CSMD1: variants seen among roughly 807,000 people sequenced by gnomAD.
The protein encoded by CSMD1 is CUB and sushi domain-containing protein 1.
CSMD1 carries 213 observed loss-of-function variants against 417.5 expected under a neutral mutation model. That is an observed-to-expected ratio of 0.51 (90% CI 0.46 to 0.57). CSMD1 has a LOEUF of 0.57. Ranked by LOEUF, CSMD1 falls within the 20% of genes least tolerant of loss-of-function variation. The pLI is 0.00. For synonymous variants in CSMD1, 2,862 were observed against 1,736.8 expected, an observed-to-expected ratio of 1.65 and a Z score of -16.11; for missense variants, 6,923 against 4,529.7, an observed-to-expected ratio of 1.53 and a Z score of -15.17.
At position 4,843,023 on chromosome 8, in the gene CSMD1, C is replaced by T. The variant is rs147600543; in HGVS notation, c.85+151309G>A. On this transcript the variant is annotated intron_variant, in intron 1 of 69. Transcript: ENST00000635120. ...CTAACATGCTACTCCAGGACTCTAACATCAACTGAGTGAAGTCAAAATAAG... is the reference window on the plus strand; with the variant it reads ...CTAACATGCTACTCCAGGACTCTAATATCAACTGAGTGAAGTCAAAATAAG... 4.3e-3 allele frequency among the ~76,000 whole-genome samples: 659 copies of T among 152,292 alleles called. 4 individuals are homozygous for T. Among genetic ancestry groups the T allele is most frequent in the African/African-American group, 0.015 (606 of 41,554 alleles).
chr8:4,397,168 A>G (rs1370946672), intron 3 of CSMD1, among the ~76,000 whole-genome samples: 1 of 152,170 alleles, frequency 6.6e-6, no homozygotes, highest in African/African-American at 2.4e-5. Flanking sequence ...ACGTCCATGC[A>G]TGATGATCAA....
intron 1 of CSMD1, among the ~76,000 whole-genome samples, chr8:4,740,394 T>C (rs919841084): frequency 1.3e-5 from 2 of 152,160 alleles, no homozygotes; most frequent in Non-Finnish European, 1.5e-5. Context: ...AATGAGGAAA[T>C]AGCAGCCTCT....
At chr8:4,623,393 A>G (rs1219432113) in intron 2 of CSMD1, among the ~76,000 whole-genome samples, 3 of 152,188 alleles carry the variant, frequency 2.0e-5, no homozygotes, top group Admixed American at 6.5e-5. Context: ...GGGAATTTAA[A>G]ATGGGACTAC....
At chr8:4,482,128 A>G (rs2130135256) in intron 2 of CSMD1, among the ~76,000 whole-genome samples, 1 of 152,316 alleles carries the variant, frequency 6.6e-6, no homozygotes, top group Non-Finnish European at 1.5e-5. Flanking sequence ...GTTCAGGGGT[A>G]CATGAGCAGG....
intron 5 of CSMD1, among the ~76,000 whole-genome samples, chr8:3,946,392 C>G (rs1376955705): frequency 1.3e-5 from 2 of 152,128 alleles, no homozygotes; most frequent in African/African-American, 4.8e-5. Context: ...ATTTTCTCGT[C>G]TATACCATTG....
chr8:3,844,521 T>C (rs1307090328), intron 5 of CSMD1, among the ~76,000 whole-genome samples: 1 of 152,202 alleles, frequency 6.6e-6, no homozygotes, highest in East Asian at 1.9e-4. Context: ...CTTCATCATC[T>C]TTTAGCAGAA....
chr8:4,198,330 T>A (rs1799457840), intron 3 of CSMD1, among the ~76,000 whole-genome samples: 1 of 152,200 alleles, frequency 6.6e-6, no homozygotes, highest in African/African-American at 2.4e-5. Flanking sequence ...CAAGAGTACG[T>A]CATGGTGGAC....
At position 3,388,227 on chromosome 8, in the gene CSMD1, T is replaced by C. The variant is rs968691250; in HGVS notation, c.2594-545A>G. The stretch of plus-strand genomic sequence containing the variant: ...TCCATAAATCCATGCTATTTTCAAA[T>C]TTTAGTTTAAGTCAGCCACTTGCAA... On this transcript the variant is annotated intron_variant, in intron 17 of 69. Transcript: ENST00000635120. Among the ~76,000 whole-genome samples the C allele has an allele frequency of 1.2e-4, 18 of 152,350 alleles. 1 individual carries two copies. The highest frequency in any genetic ancestry group is 6.2e-4 in the South Asian group (3 of 4,830).
At chr8:2,967,384 G>A (rs7829455) in intron 57 of CSMD1, among the ~76,000 whole-genome samples, 27,228 of 152,128 alleles carry the variant, frequency 0.18, 3,034 homozygotes, top group African/African-American at 0.31. Context: ...GGCTCCTAAT[G>A]CCATGTACAG....
rs531870903 is a variant in CSMD1 at position 4,471,214 on chromosome 8, A to G, written c.303-51149T>C. ...ATTATTATGGAAAAACAATCTTAGAAAAAGTCTCGTGTTCCCCAAGCTCAC... is the reference window on the plus strand; with the variant it reads ...ATTATTATGGAAAAACAATCTTAGAGAAAGTCTCGTGTTCCCCAAGCTCAC... On this transcript the variant is annotated intron_variant, in intron 2 of 69. Transcript: ENST00000635120. Among the ~76,000 whole-genome samples the G allele has an allele frequency of 2.0e-5, 3 of 152,330 alleles. No homozygotes were observed. The East Asian group carries it at 5.8e-4, about 29-fold the overall frequency.
In CSMD1 at chr8:3,752,192, G is replaced by A. The variant is rs537831658; in HGVS notation, c.931+1738C>T. Among the ~76,000 whole-genome samples the A allele has an allele frequency of 2.6e-5, 4 of 152,240 alleles. No homozygotes were observed. The South Asian group carries it at 8.3e-4, about 32-fold the overall frequency. ...GATAACGGCAGATATGGGGAGGTAT[G>A]GAAAAGGAGGATCGGCCTGGCCTGG... On this transcript the variant is annotated intron_variant, in intron 6 of 69. Coordinates refer to ENST00000635120, the MANE Select transcript of CSMD1 (RefSeq NM_033225.6).
chr8:3,203,503 A>G (rs1354902246), intron 31 of CSMD1, among the ~76,000 whole-genome samples: 2 of 152,202 alleles, frequency 1.3e-5, no homozygotes, highest in African/African-American at 4.8e-5. Context: ...AGCAAGAAGG[A>G]TTAGTGGAAG....
intron 30 of CSMD1, among the ~76,000 whole-genome samples, chr8:3,208,137 A>C (rs1163206969): frequency 6.6e-6 from 1 of 152,332 alleles, no homozygotes; most frequent in East Asian, 1.9e-4. Context: ...ATACAATTCA[A>C]ACATATCATT....
chr8:3,741,522 T>C (rs1796803356), intron 6 of CSMD1, among the ~76,000 whole-genome samples: 1 of 152,224 alleles, frequency 6.6e-6, no homozygotes, highest in Non-Finnish European at 1.5e-5. Context: ...GTTTTACAGT[T>C]TTTAGTAGGC....
chr8:4,962,583 C>A (rs1410873662), intron 1 of CSMD1, among the ~76,000 whole-genome samples: 2 of 152,100 alleles, frequency 1.3e-5, no homozygotes, highest in Non-Finnish European at 2.9e-5. Context: ...TTGGCATAAT[C>A]AGATGGGTAT....
chr8:3,348,066 T>C lies in CSMD1; in HGVS notation c.3400A>G (p.Ile1134Val), dbSNP rs778573248. The change falls in exon 22 of 70, where the codon ATA (isoleucine) becomes GTA (valine). Residue 1134 changes from isoleucine to valine, a missense_variant. Physicochemically the swap from Ile to Val is conservative, Grantham distance 29 (BLOSUM62 3). Transcript: ENST00000635120. ...YDNNHECIYK[I>V]ETEAGKGIHL... is the part of the protein sequence containing the mutation. ...ATGCCCTTGCCGGCTTCTGTTTCTA[T>C]TTTATAGATACACTCATGGTTATTA... is the stretch of plus-strand genomic sequence containing the variant. 1 of 1,612,702 alleles carries C rather than the reference T, an allele frequency of 6.2e-7. No homozygotes were observed. The highest frequency in any genetic ancestry group is 8.5e-7 in the Non-Finnish European group (1 of 1,179,214).
chr8:4,321,121 A>G lies in CSMD1; in HGVS notation c.415+98832T>C, dbSNP rs902431224. ...TTTGTCTAGACTCTAGTCTAAATCA[A>G]TCAAAGGCAGGAAGAGTGTCAAACC... is the stretch of plus-strand genomic sequence containing the variant. On this transcript the variant is annotated intron_variant, in intron 3 of 69. Coordinates refer to ENST00000635120, the MANE Select transcript of CSMD1 (RefSeq NM_033225.6). Among the ~76,000 whole-genome samples the G allele has an allele frequency of 3.9e-5, 6 of 152,262 alleles. No homozygotes were observed. The South Asian group carries it at 1.2e-3, about 32-fold the overall frequency.
chr8:3,131,992 C>G (rs1319802606), intron 41 of CSMD1, among the ~76,000 whole-genome samples: 2 of 152,164 alleles, frequency 1.3e-5, no homozygotes, highest in African/African-American at 4.8e-5. Context: ...CAATCCAATA[C>G]CATCACTCCA....
In CSMD1 at chr8:2,978,777, A is replaced by C; in HGVS notation, c.8401T>G (p.Phe2801Val). ...CRVVNCSDPG[F>V]VENAIRHGQQ... The stretch of plus-strand genomic sequence containing the variant: ...CCGTGACGAATGGCATTTTCCACAA[A>C]GCCTGGATCAGAACAGTTCACCACT... The change falls in exon 55 of 70, where the codon TTT becomes GTT. Residue 2801 changes from phenylalanine (F) to valine (V), a missense_variant. Transcript: ENST00000635120. The C allele has an allele frequency of 6.2e-7, 1 of 1,613,366 alleles. No homozygotes were observed. Among genetic ancestry groups the C allele is most frequent in the Non-Finnish European group, 8.5e-7 (1 of 1,179,622 alleles).
Sources: allele counts gnomAD v4.1 joint callset (sites outside exome capture counted in the v4.1 genomes callset), GRCh38; gene constraint gnomAD v4.1.1; transcripts MANE v1.5; gene names NCBI Gene and HGNC (gene_info 2026-07-23, HGNC 2026-07-21).